Variants in BABAM2 observed in about 807,000 individuals in gnomAD.
BABAM2 encodes BRISC and BRCA1 A complex member 2, also known as BRISC and BRCA1-A complex member 2.
A neutral mutation model predicts 54.7 loss-of-function variants in BABAM2; 31 were observed. That is an observed-to-expected ratio of 0.57 (90% CI 0.43 to 0.77). The LOEUF (loss-of-function observed/expected upper bound fraction) is 0.77, where lower values mean the gene tolerates loss of function less well. Ranked by LOEUF, BABAM2 falls within the 30% of genes least tolerant of loss-of-function variation. The pLI is 0.00. For synonymous variants in BABAM2, 167 were observed against 162.9 expected, an observed-to-expected ratio of 1.03 and a Z score of -0.19; for missense variants, 364 against 455.8, an observed-to-expected ratio of 0.80 and a Z score of 1.83.
intron 7 of BABAM2, among the ~76,000 whole-genome samples, chr2:28,165,238 T>G (rs1360371003): frequency 6.6e-6 from 1 of 152,172 alleles, no homozygotes; most frequent in South Asian, 2.1e-4. Context: ...GTGAAGGGTG[T>G]AATTGGCTCT....
rs150506422 is a variant in BABAM2, at chr2:28,132,962, T to G, written c.680+3582T>G. Among the ~76,000 whole-genome samples, 650 of 152,324 alleles carry G rather than the reference T, an allele frequency of 4.3e-3. 1 individual carries two copies. The highest frequency in any genetic ancestry group is 6.9e-3 in the Non-Finnish European group (468 of 68,024). On this transcript the variant is annotated intron_variant, in intron 7 of 11. Transcript: ENST00000379624. Reference sequence around the variant, plus strand: ...GAATAAGTAGTTCTCACCAAAATATTGGAAAATGCCTCACTGAAAGGTCTT... The same window carrying G: ...GAATAAGTAGTTCTCACCAAAATATGGGAAAATGCCTCACTGAAAGGTCTT...
chr2:27,952,800 G>A (rs891874262), intron 3 of BABAM2, among the ~76,000 whole-genome samples: 4 of 152,148 alleles, frequency 2.6e-5, no homozygotes, highest in Middle Eastern at 3.2e-3. Flanking sequence ...AAACAATTGT[G>A]TATTGAAATT....
chr2:27,977,514 T>C (rs1335980240), intron 3 of BABAM2, among the ~76,000 whole-genome samples: 1 of 152,206 alleles, frequency 6.6e-6, no homozygotes. Flanking sequence ...ATAAAAATGT[T>C]AGGGCTTTTA....
At chr2:28,155,881 TTAG>T (rs1672498459) in intron 7 of BABAM2, among the ~76,000 whole-genome samples, 2 of 152,096 alleles carry the variant, frequency 1.3e-5, no homozygotes, top group African/African-American at 4.8e-5. Flanking sequence ...GAGGTGGAAA[TTAG>T]TAGGAAGTGT....
intron 3 of BABAM2, among the ~76,000 whole-genome samples, chr2:27,974,837 A>G (rs1409997527): frequency 6.6e-6 from 1 of 152,150 alleles, no homozygotes; most frequent in Non-Finnish European, 1.5e-5. Flanking sequence ...GTCTATGTAG[A>G]AAATCCCAAC....
intron 2 of BABAM2, among the ~76,000 whole-genome samples, chr2:27,913,514 A>G (rs1666753171): frequency 6.6e-6 from 1 of 152,226 alleles, no homozygotes; most frequent in African/African-American, 2.4e-5. Flanking sequence ...AATAAAAACT[A>G]TTCTGAAGAT....
In BABAM2 at chr2:28,215,671, T is replaced by C. The variant is rs575713882; in HGVS notation, c.681-21531T>C. ...TCCTTCCCTTTGTCATTTATTTTTCTCTTTCTCTCTCCTACCCATTTCCCT... is the reference window on the plus strand; with the variant it reads ...TCCTTCCCTTTGTCATTTATTTTTCCCTTTCTCTCTCCTACCCATTTCCCT... On this transcript the variant is annotated intron_variant, in intron 7 of 11. Transcript: ENST00000379624. Among the ~76,000 whole-genome samples the C allele has an allele frequency of 1.9e-3, 286 of 151,770 alleles. 1 individual carries two copies. Among genetic ancestry groups the C allele is most frequent in the Middle Eastern group, 3.4e-3 (1 of 292 alleles).
chr2:28,230,986 C>T (rs1681335755), intron 7 of BABAM2, among the ~76,000 whole-genome samples: 1 of 152,100 alleles, frequency 6.6e-6, no homozygotes. Context: ...AAAAATTCTA[C>T]TTCATCTTTC....
chr2:28,273,034 A>C lies in BABAM2; in HGVS notation c.935-25304A>C, dbSNP rs555715677. On this transcript the variant is annotated intron_variant, in intron 10 of 11. Coordinates refer to ENST00000379624, the MANE Select transcript of BABAM2 (RefSeq NM_199191.3). ...GTGGAACTTTCTTACTCTGGCTGTGAAGGGTAAAAATAAGAGCTAGCACAG... is the reference window on the plus strand; with the variant it reads ...GTGGAACTTTCTTACTCTGGCTGTGCAGGGTAAAAATAAGAGCTAGCACAG... 2.4e-4 allele frequency among the ~76,000 whole-genome samples: 37 copies of C among 152,320 alleles called. No homozygotes were observed. The South Asian group carries it at 7.0e-3, about 29-fold the overall frequency.
chr2:28,135,439 G>A (rs1670449934), intron 7 of BABAM2, among the ~76,000 whole-genome samples: 1 of 151,738 alleles, frequency 6.6e-6, no homozygotes, highest in Non-Finnish European at 1.5e-5. Flanking sequence ...ATTAAATTAT[G>A]CTAAATTGTG....
chr2:28,268,154 T>C (rs1342021012), intron 10 of BABAM2, among the ~76,000 whole-genome samples: 1 of 152,184 alleles, frequency 6.6e-6, no homozygotes, highest in African/African-American at 2.4e-5. Flanking sequence ...TATAGAAATC[T>C]GCATTAAAGC....
At position 28,338,719 on chromosome 2, in the gene BABAM2, G is replaced by C; in HGVS notation, c.*206G>C. ...CCTGGATCCTAGAGCCCTTCACTTCGGGTTACTCCCTCTTTCTTGCCTCTA... is the reference window on the plus strand; with the variant it reads ...CCTGGATCCTAGAGCCCTTCACTTCCGGTTACTCCCTCTTTCTTGCCTCTA... On this transcript the variant is annotated 3_prime_UTR_variant, in exon 12 of 12. Coordinates refer to ENST00000379624, the MANE Select transcript of BABAM2 (RefSeq NM_199191.3). The C allele has an allele frequency of 1.9e-6, 1 of 540,358 alleles. No individual in the cohort carries two copies. The allele number at this position is 540,358 out of a possible 1,614,324, so 33.5% of individuals were successfully genotyped here.
intron 7 of BABAM2, among the ~76,000 whole-genome samples, chr2:28,194,075 C>T (rs1039931032): frequency 2.6e-5 from 4 of 152,022 alleles, no homozygotes; most frequent in African/African-American, 7.2e-5. Context: ...AGAGAGCGGG[C>T]GGGAGTGTTC....
chr2:28,335,154 C>CTTTTTTTTTTTTTTTTTT (rs56135926), intron 11 of BABAM2, among the ~76,000 whole-genome samples: 1 of 71,520 alleles, frequency 1.4e-5, no homozygotes, highest in Non-Finnish European at 2.6e-5. Context: ...CTCCCACCTT[C>CTTTTTTTTTTTTTTTTTT]TTTTTTTTTT....
chr2:28,326,943 C>G (rs555097884), intron 11 of BABAM2, among the ~76,000 whole-genome samples: 1 of 152,320 alleles, frequency 6.6e-6, no homozygotes, highest in East Asian at 1.9e-4. Context: ...TTACAACATT[C>G]TATCATTCTA....
intron 3 of BABAM2, among the ~76,000 whole-genome samples, chr2:27,941,660 A>G (rs796985931): frequency 6.6e-6 from 1 of 152,172 alleles, no homozygotes; most frequent in Non-Finnish European, 1.5e-5. Flanking sequence ...GAAATACCCA[A>G]AGGTTTTGAA....
intron 10 of BABAM2, among the ~76,000 whole-genome samples, chr2:28,295,644 C>T (rs567333289): frequency 6.6e-6 from 1 of 152,162 alleles, no homozygotes; most frequent in African/African-American, 2.4e-5. Flanking sequence ...TACAGGTACG[C>T]ACCACTATGC....
At chr2:28,193,470 C>T (rs1677159287) in intron 7 of BABAM2, among the ~76,000 whole-genome samples, 1 of 152,056 alleles carries the variant, frequency 6.6e-6, no homozygotes. Context: ...CCTCAGTTTC[C>T]TCATGTGTAA....
intron 3 of BABAM2, among the ~76,000 whole-genome samples, chr2:27,971,687 C>G (rs577336816): frequency 2.0e-5 from 3 of 151,218 alleles, no homozygotes; most frequent in Non-Finnish European, 3.0e-5. Flanking sequence ...GCTAAATTTT[C>G]CCATGTGTTT....
Sources: gnomAD v4.1 joint callset for allele counts (sites outside exome capture counted in the v4.1 genomes callset) on GRCh38, gnomAD v4.1.1 for gene constraint, MANE v1.5 for transcripts, NCBI Gene and HGNC (gene_info 2026-07-23, HGNC 2026-07-21) for gene names.